The following TTC1 variants were observed in gnomAD, a reference collection of about 807,000 sequenced individuals.
TTC1 encodes the protein tetratricopeptide repeat domain 1, also known as tetratricopeptide repeat protein 1.
A neutral mutation model predicts 37.6 loss-of-function variants in TTC1; 31 were observed. The observed-to-expected ratio is 0.82, with a 90% CI of 0.62 to 1.11. TTC1 has a LOEUF of 1.11. TTC1 is among the 50% of genes most tolerant of loss of function. TTC1 has a pLI of 0.00. For missense variants in TTC1, 351 were observed against 339.0 expected, an observed-to-expected ratio of 1.04 and a Z score of -0.28; for synonymous variants, 127 against 122.4, an observed-to-expected ratio of 1.04 and a Z score of -0.25.
intron 7 of TTC1, among the ~76,000 whole-genome samples, chr5:160,061,357 C>T (rs755822038): frequency 9.8e-5 from 15 of 152,318 alleles, no homozygotes; most frequent in South Asian, 6.2e-4. Context: ...TCCTGACTCT[C>T]GTAGCATTTT....
At chr5:160,017,101 G>GA (rs1319650890) in intron 2 of TTC1, among the ~76,000 whole-genome samples, 1 of 152,208 alleles carries the variant, frequency 6.6e-6, no homozygotes, top group East Asian at 1.9e-4. Flanking sequence ...GCTAACATTT[G>GA]AGATGTACTA....
At chr5:160,023,942 T>C in intron 2 of TTC1, 3 of 1,568,968 alleles carry the variant, frequency 1.9e-6, no homozygotes, top group African/African-American at 1.3e-5. Context: ...TTCCTTTTCC[T>C]CTTCCTCATC....
Position 160,057,990 on chromosome 5 carries a change from C to A in TTC1, c.745+6807C>A, listed in dbSNP as rs1757588536. On this transcript the variant is annotated intron_variant, in intron 7 of 7. Coordinates refer to ENST00000231238, the MANE Select transcript of TTC1 (RefSeq NM_003314.3). This position sits in a 1 kb window ranked among gnomAD's most constrained non-coding sequence, Gnocchi z 4.4. ...CCATGTTGGCCAGGCTGGTCTCGAA[C>A]TCCTGAACTCAGGTGATTGGCCTGC... Among the ~76,000 whole-genome samples the A allele has an allele frequency of 6.6e-6, 1 of 152,254 alleles. No homozygotes were observed. Among genetic ancestry groups the A allele is most frequent in the Non-Finnish European group, 1.5e-5 (1 of 68,046 alleles).
chr5:160,045,242 G>C (rs563731603), intron 5 of TTC1, among the ~76,000 whole-genome samples: 43 of 152,094 alleles, frequency 2.8e-4, no homozygotes, highest in Non-Finnish European at 5.1e-4. Flanking sequence ...GCTGCAGCCC[G>C]AAGTGTAGGA....
chr5:160,011,156 C>T (rs1028477250), intron 2 of TTC1, among the ~76,000 whole-genome samples: 4 of 152,138 alleles, frequency 2.6e-5, no homozygotes. Flanking sequence ...TGTATATATA[C>T]TTTTTAGTTT....
intron 7 of TTC1, among the ~76,000 whole-genome samples, chr5:160,061,550 G>A (rs537684546): frequency 8.1e-4 from 124 of 152,248 alleles, no homozygotes; most frequent in African/African-American, 2.9e-3. Context: ...GTGACCTTAG[G>A]TCTTCTCTAA....
chr5:160,019,788 T>C (rs1219448055), intron 2 of TTC1, among the ~76,000 whole-genome samples: 1 of 151,760 alleles, frequency 6.6e-6, no homozygotes, highest in Non-Finnish European at 1.5e-5. Flanking sequence ...TTTCACCATA[T>C]TGGCCAGGCT....
intron 7 of TTC1, among the ~76,000 whole-genome samples, chr5:160,060,598 G>A (rs1753340054): frequency 6.6e-6 from 1 of 152,196 alleles, no homozygotes; most frequent in Non-Finnish European, 1.5e-5. Flanking sequence ...GACAGCCAGT[G>A]GAAAGTGTGG....
chr5:160,060,225 A>C (rs565198574), intron 7 of TTC1, among the ~76,000 whole-genome samples: 5 of 152,336 alleles, frequency 3.3e-5, no homozygotes, highest in African/African-American at 1.2e-4. Context: ...GATCTTAAGG[A>C]GATGAAAACA....
chr5:160,012,287 C>T (rs1012331718), intron 2 of TTC1, among the ~76,000 whole-genome samples: 2 of 152,062 alleles, frequency 1.3e-5, no homozygotes, highest in Admixed American at 1.3e-4. Flanking sequence ...AAAGTCTGAT[C>T]CCTACCTCTA....
At chr5:160,061,403 A>T (rs149490698) in intron 7 of TTC1, among the ~76,000 whole-genome samples, 2 of 152,280 alleles carry the variant, frequency 1.3e-5, no homozygotes, top group African/African-American at 4.8e-5. Flanking sequence ...TTTTGTGTGT[A>T]TGTCTTTTCT....
At position 160,009,177 on chromosome 5, in the gene TTC1, G is replaced by C. The variant is rs986743744; in HGVS notation, c.-46G>C. On this transcript the variant is annotated 5_prime_UTR_variant, in exon 1 of 8. Transcript: ENST00000231238. ...CTCAGAGGCTAAGAAGGTGGAGACCGGAGAAGCTGTGAGGTTGTGAGTAAC... is the reference window on the plus strand; with the variant it reads ...CTCAGAGGCTAAGAAGGTGGAGACCCGAGAAGCTGTGAGGTTGTGAGTAAC... The C allele has an allele frequency of 3.3e-5, 5 of 152,256 alleles. No individual in the cohort carries two copies. The highest frequency in any genetic ancestry group is 5.9e-5 in the Non-Finnish European group (4 of 68,068). 9.4% of individuals were successfully genotyped at this position (152,256 alleles called of 1,614,324 possible).
chr5:160,044,124 AT>A (rs1262033105), intron 5 of TTC1, among the ~76,000 whole-genome samples: 2 of 151,998 alleles, frequency 1.3e-5, no homozygotes, highest in Non-Finnish European at 2.9e-5. Flanking sequence ...TGTGTTTTCT[AT>A]TTTTTTAGTT....
At chr5:160,023,405 C>G (rs553054421) in intron 2 of TTC1, among the ~76,000 whole-genome samples, 2 of 152,080 alleles carry the variant, frequency 1.3e-5, no homozygotes, top group Non-Finnish European at 2.9e-5. Flanking sequence ...GATCCTTCCC[C>G]CTCAGCCTCC....
intron 4 of TTC1, among the ~76,000 whole-genome samples, chr5:160,039,762 A>G (rs1757055396): frequency 6.6e-6 from 1 of 152,252 alleles, no homozygotes; most frequent in African/African-American, 2.4e-5. Flanking sequence ...TGATAAGTTG[A>G]AAAAATATTG....
At chr5:160,035,681 A>G (rs1456594915) in intron 3 of TTC1, among the ~76,000 whole-genome samples, 1 of 152,080 alleles carries the variant, frequency 6.6e-6, no homozygotes, top group Admixed American at 6.6e-5. Context: ...TTGCTCTTTC[A>G]TGTGCCATTT....
intron 2 of TTC1, among the ~76,000 whole-genome samples, chr5:160,016,285 C>T (rs529648728): frequency 2.1e-4 from 32 of 152,150 alleles, no homozygotes; most frequent in African/African-American, 7.5e-4. Flanking sequence ...GGCTGAGGCA[C>T]GAGAATTGCT....
intron 5 of TTC1, among the ~76,000 whole-genome samples, chr5:160,045,512 ACATACACACTCTCTCTCTCT>A (rs1757206620): frequency 4.7e-5 from 2 of 42,842 alleles, no homozygotes; most frequent in African/African-American, 2.4e-4. Context: ...ACACACACAC[ACATACACACTCTCTCTCTCT>A]CTCTCTCTCT....
intron 2 of TTC1, among the ~76,000 whole-genome samples, chr5:160,021,292 A>C (rs1273046694): frequency 6.6e-6 from 1 of 152,236 alleles, no homozygotes; most frequent in Non-Finnish European, 1.5e-5. Context: ...ATGGACACAG[A>C]TGACTAAGCT....
Sources: gnomAD v4.1 joint callset for allele counts (sites outside exome capture counted in the v4.1 genomes callset) on GRCh38, gnomAD v4.1.1 for gene constraint, Gnocchi (gnomAD v3.1) non-coding constraint, MANE v1.5 for transcripts, NCBI Gene and HGNC (gene_info 2026-07-23, HGNC 2026-07-21) for gene names.